SAMD13: variants seen among roughly 807,000 people sequenced by gnomAD.
SAMD13 encodes sterile alpha motif domain-containing protein 13.
In SAMD13, 9 loss-of-function variants were observed where a neutral mutation model predicts 12.4. That is an observed-to-expected ratio of 0.72 (90% CI 0.44 to 1.26). The LOEUF (loss-of-function observed/expected upper bound fraction) is 1.26, where lower values mean the gene tolerates loss of function less well. Among genes scored for constraint, SAMD13 ranks in the 50% most tolerant of loss-of-function variants. The pLI is 0.00. For missense variants in SAMD13, 84 were observed against 119.6 expected, an observed-to-expected ratio of 0.70 and a Z score of 1.39; for synonymous variants, 46 against 45.4, an observed-to-expected ratio of 1.01 and a Z score of -0.05.
chr1:84,315,759 T>C (rs1678819732), intron 2 of SAMD13, among the ~76,000 whole-genome samples: 1 of 152,186 alleles, frequency 6.6e-6, no homozygotes, highest in Non-Finnish European at 1.5e-5. Context: ...TGTCACATAG[T>C]AGTTCTATCT....
intron 3 of SAMD13, among the ~76,000 whole-genome samples, chr1:84,338,126 C>A (rs1261974697): frequency 2.0e-5 from 3 of 152,214 alleles, no homozygotes; most frequent in Admixed American, 2.0e-4. Flanking sequence ...TTCCTGTCTT[C>A]TTCTGAGCCC....
chr1:84,346,202 G>C (rs1324601009), intron 3 of SAMD13, among the ~76,000 whole-genome samples: 1 of 152,140 alleles, frequency 6.6e-6, no homozygotes, highest in Non-Finnish European at 1.5e-5. Context: ...ATAAAGTAGT[G>C]TCTTAGTCTA....
At chr1:84,333,873 T>C (rs1029407939) in intron 3 of SAMD13, among the ~76,000 whole-genome samples, 8 of 152,258 alleles carry the variant, frequency 5.3e-5, no homozygotes, top group African/African-American at 1.9e-4. Context: ...CTGCATATGT[T>C]GAACCAACCT....
intron 3 of SAMD13, among the ~76,000 whole-genome samples, chr1:84,330,327 C>A (rs560401156): frequency 9.8e-5 from 15 of 152,302 alleles, no homozygotes; most frequent in Middle Eastern, 3.4e-3. Flanking sequence ...CGGCACAAAA[C>A]CACTTGAGAC....
At chr1:84,346,969 A>G (rs944947691) in intron 3 of SAMD13, among the ~76,000 whole-genome samples, 7 of 152,184 alleles carry the variant, frequency 4.6e-5, no homozygotes, top group African/African-American at 1.7e-4. Context: ...ATCCATTTCC[A>G]CTTAGTAGTC....
chr1:84,299,759 T>C (rs1678407536), upstream of SAMD13: 1 of 432,736 alleles, frequency 2.3e-6, no homozygotes, highest in Admixed American at 5.2e-5. Flanking sequence ...CCTGTTGTCA[T>C]AATTTAGAGT....
At chr1:84,332,956 G>A (rs966935472) in intron 3 of SAMD13, among the ~76,000 whole-genome samples, 2 of 152,288 alleles carry the variant, frequency 1.3e-5, no homozygotes, top group Admixed American at 1.3e-4. Context: ...TGGCTAGCCA[G>A]TTCTCCCAGC....
chr1:84,319,453 C>G (rs139673619), intron 2 of SAMD13, among the ~76,000 whole-genome samples: 1 of 151,920 alleles, frequency 6.6e-6, no homozygotes, highest in Non-Finnish European at 1.5e-5. Flanking sequence ...GAAACCCCAT[C>G]TCTACTAAAA....
At chr1:84,320,792 T>G (rs1678926810) in intron 2 of SAMD13, among the ~76,000 whole-genome samples, 1 of 152,230 alleles carries the variant, frequency 6.6e-6, no homozygotes, top group African/African-American at 2.4e-5. Flanking sequence ...TATATCATCA[T>G]AATATGTTAA....
At chr1:84,326,666 A>G (rs1428724550) in intron 3 of SAMD13, among the ~76,000 whole-genome samples, 1 of 152,196 alleles carries the variant, frequency 6.6e-6, no homozygotes, top group African/African-American at 2.4e-5. Context: ...TTTTCTAAGC[A>G]TTACATTTTC....
At position 84,301,780 on chromosome 1, in the gene SAMD13, G is replaced by C; in HGVS notation, c.-54G>C. On this transcript the variant is annotated 5_prime_UTR_variant, in exon 1 of 4. It removes an upstream start codon present in the reference 5' UTR. Transcript: ENST00000394834. ...TGTTCTTGATAAGCCTATAAAAAAT[G>C]ATATTTTTTAGTTGCTTATAGGTAG... is the stretch of plus-strand genomic sequence containing the variant. 2 of 985,056 alleles carry C rather than the reference G, an allele frequency of 2.0e-6. No individual in the cohort carries two copies. Among genetic ancestry groups the C allele is most frequent in the Non-Finnish European group, 2.4e-6 (2 of 829,706 alleles). 61.0% of individuals were successfully genotyped at this position (985,056 alleles called of 1,614,324 possible).
intron 3 of SAMD13, chr1:84,345,306 A>T (rs1679513444): frequency 2.3e-6 from 1 of 437,744 alleles, no homozygotes; most frequent in Non-Finnish European, 4.6e-6. Context: ...TTTAACAGGG[A>T]GATTTTCATA....
intron 2 of SAMD13, among the ~76,000 whole-genome samples, chr1:84,320,269 GT>G (rs1449525381): frequency 3.9e-5 from 6 of 152,182 alleles, no homozygotes; most frequent in African/African-American, 1.4e-4. Context: ...AGTCTAGGAT[GT>G]TGCCCAGTTA....
intron 2 of SAMD13, among the ~76,000 whole-genome samples, chr1:84,325,278 G>A (rs1325024338): frequency 1.3e-5 from 2 of 152,072 alleles, no homozygotes; most frequent in Admixed American, 1.3e-4. Flanking sequence ...TTGTGGAAGG[G>A]CTTTATCCCT....
chr1:84,302,318 G>A (rs1472649081), intron 1 of SAMD13, among the ~76,000 whole-genome samples: 4 of 146,560 alleles, frequency 2.7e-5, no homozygotes, highest in Non-Finnish European at 6.0e-5. Context: ...GAGCAAACAC[G>A]TTTCGGGACT....
At chr1:84,308,916 A>G (rs1190630113) in intron 2 of SAMD13, among the ~76,000 whole-genome samples, 1 of 152,196 alleles carries the variant, frequency 6.6e-6, no homozygotes, top group Non-Finnish European at 1.5e-5. Flanking sequence ...GCAAGTCTCA[A>G]GTTAAGAACA....
At chr1:84,308,895 A>C (rs1004544589) in intron 2 of SAMD13, among the ~76,000 whole-genome samples, 3 of 152,190 alleles carry the variant, frequency 2.0e-5, no homozygotes, top group African/African-American at 7.2e-5. Context: ...ATTAAGCATG[A>C]CATTGCAATG....
chr1:84,350,774 T>A lies in SAMD13; in HGVS notation c.*1000T>A, dbSNP rs1679633253. The A allele has an allele frequency of 6.6e-6, 1 of 152,652 alleles. No individual in the cohort carries two copies. Among genetic ancestry groups the A allele is most frequent in the African/African-American group, 2.4e-5 (1 of 41,462 alleles). The allele number at this position is 152,652 out of a possible 1,614,324, so 9.5% of individuals were successfully genotyped here. A position where few individuals can be genotyped will look rare whatever the true frequency, so the allele number is the denominator to read the frequency against. ...CCTTGTTGAATTGGTGCTTTGTGGT[T>A]GCAATAAAGCATTGCTTCAGTTTAT... On this transcript the variant is annotated 3_prime_UTR_variant, in exon 4 of 4. Coordinates refer to ENST00000394834, the MANE Select transcript of SAMD13 (RefSeq NM_001134663.2).
At chr1:84,298,701 G>A (rs1466566921), upstream of SAMD13, 3 of 866,094 alleles carry the variant, frequency 3.5e-6, no homozygotes, top group Non-Finnish European at 1.5e-6. Context: ...CCGTGTGTCC[G>A]GTGCTCCTGC....
Sources: allele counts gnomAD v4.1 joint callset (sites outside exome capture counted in the v4.1 genomes callset), GRCh38; gene constraint gnomAD v4.1.1; transcripts MANE v1.5; gene names NCBI Gene and HGNC (gene_info 2026-07-23, HGNC 2026-07-21).